Variants in HDGFL1 observed in about 807,000 individuals in gnomAD.
HDGFL1 encodes hepatoma-derived growth factor-like protein 1.
For synonymous variants in HDGFL1, 190 were observed against 165.1 expected, an observed-to-expected ratio of 1.15 and a Z score of -1.16; for missense variants, 422 against 365.3, an observed-to-expected ratio of 1.16 and a Z score of -1.27.
rs960887574 is a variant in HDGFL1 at position 22,571,299 on chromosome 6, C to A, written c.*968C>A. On this transcript the variant is annotated 3_prime_UTR_variant, in exon 1 of 1. Coordinates refer to ENST00000510882, the MANE Select transcript of HDGFL1 (RefSeq NM_138574.4). ...AACTACCTCTAGGTGTGCCTCCACG[C>A]TGGCCCTAGCTTTCCCATTGCTGTT... The A allele has an allele frequency of 2.4e-5, 4 of 167,140 alleles. No individual in the cohort carries two copies. Among genetic ancestry groups the A allele is most frequent in the Non-Finnish European group, 1.5e-5 (1 of 68,142 alleles). The allele number at this position is 167,140 out of a possible 1,614,324, so 10.4% of individuals were successfully genotyped here.
rs1440033304 is a variant in HDGFL1, at chr6:22,569,931, C to G, written c.356C>G (p.Pro119Arg). The change falls in exon 1 of 1, where the codon CCG becomes CGG. Residue 119 changes from proline to arginine, a missense_variant. Physicochemically the swap from Pro to Arg is moderately radical, Grantham distance 103. Coordinates refer to ENST00000510882, the MANE Select transcript of HDGFL1 (RefSeq NM_138574.4). Reference protein sequence around the residue: ...PEAAEGDEDKPTHAGGGGDEL... With the variant: ...PEAAEGDEDKRTHAGGGGDEL... ...GCCGCAGAGGGCGACGAGGACAAGC[C>G]GACCCACGCTGGTGGCGGCGGCGAC... The G allele has an allele frequency of 1.3e-6, 2 of 1,553,922 alleles. No individual in the cohort carries two copies. The highest frequency in any genetic ancestry group is 1.7e-6 in the Non-Finnish European group (2 of 1,149,022).
Position 22,571,658 on chromosome 6 carries a change from T to G in HDGFL1, c.*1327T>G, listed in dbSNP as rs1212809569. 6.0e-6 allele frequency: 1 copy of G among 167,092 alleles called. No individual in the cohort carries two copies. The highest frequency in any genetic ancestry group is 1.9e-4 in the East Asian group (1 of 5,194). The allele number at this position is 167,092 out of a possible 1,614,324, so 10.4% of individuals were successfully genotyped here. On this transcript the variant is annotated 3_prime_UTR_variant, in exon 1 of 1. Coordinates refer to ENST00000510882, the MANE Select transcript of HDGFL1 (RefSeq NM_138574.4). ...GTTCTAGGAAATAAAACCAGTTGAT[T>G]AAAGCAAATTTTCTCCGGCCTGTTC...
Position 22,569,692 on chromosome 6 carries a change from G to C in HDGFL1, c.117G>C (p.Gln39His). ...ACATGACCCAGCCCAACCGCTACCA[G>C]GTGTTTTTCTTCGGGACCCACGAGA... ...IEHMTQPNRY[Q>H]VFFFGTHETA... The change falls in exon 1 of 1, where the codon CAG becomes CAC. Residue 39 changes from glutamine to histidine, a missense_variant. Physicochemically the swap from Gln to His is conservative, Grantham distance 24. Transcript: ENST00000510882. 6.2e-7 allele frequency: 1 copy of C among 1,614,192 alleles called. No homozygotes were observed. Among genetic ancestry groups the C allele is most frequent in the Non-Finnish European group, 8.5e-7 (1 of 1,180,034 alleles).
Position 22,570,170 on chromosome 6 carries a change from G to T in HDGFL1, c.595G>T (p.Val199Leu). 1.3e-6 allele frequency: 2 copies of T among 1,559,502 alleles called. No individual in the cohort carries two copies. The highest frequency in any genetic ancestry group is 1.7e-6 in the Non-Finnish European group (2 of 1,156,366). Reference protein sequence around the residue: ...TAVDEESPFLVAVENGSAPSE... With the variant: ...TAVDEESPFLLAVENGSAPSE... ...CGTCGACGAGGAGAGTCCGTTCCTC[G>T]TGGCGGTGGAGAACGGCAGCGCCCC... Residue 199 changes from valine (V) to leucine (L), a missense_variant, in exon 1 of 1, where the codon GTG becomes TTG. Physicochemically the swap from Val to Leu is conservative, Grantham distance 32 (BLOSUM62 1). Transcript: ENST00000510882.
At position 22,570,085 on chromosome 6, in the gene HDGFL1, GGCGGAGGCGGAGAGGGCGGCGGAA is replaced by G. The variant is rs1237328278; in HGVS notation, c.517_540del (p.Ala173_Glu180del). The G allele has an allele frequency of 6.5e-6, 10 of 1,540,490 alleles. No homozygotes were observed. The East Asian group carries it at 9.7e-5, about 15-fold the overall frequency. On this transcript the variant is annotated inframe_deletion, in exon 1 of 1. Coordinates refer to ENST00000510882, the MANE Select transcript of HDGFL1 (RefSeq NM_138574.4). ...AGGCAGCCCCCGACCAAGAGGAGGAGGCGGAGGCGGAGAGGGCGGCGGAAGCGGAGAGGGCGGCGGCGGCGGCGG... is the reference window on the plus strand; with the variant it reads ...AGGCAGCCCCCGACCAAGAGGAGGAGGCGGAGAGGGCGGCGGCGGCGGCGG...
Position 22,571,597 on chromosome 6 carries a change from G to C in HDGFL1, c.*1266G>C, listed in dbSNP as rs920240856. 6.0e-6 allele frequency: 1 copy of C among 167,090 alleles called. No homozygotes were observed. Among genetic ancestry groups the C allele is most frequent in the African/African-American group, 2.4e-5 (1 of 41,454 alleles). The allele number at this position is 167,090 out of a possible 1,614,324, so 10.4% of individuals were successfully genotyped here. On this transcript the variant is annotated 3_prime_UTR_variant, in exon 1 of 1. Coordinates refer to ENST00000510882, the MANE Select transcript of HDGFL1 (RefSeq NM_138574.4). ...TGAAAAATTGTTGACTGCAGTTTCGGAAGTTTGATCTGAGAACCAACCATA... is the reference window on the plus strand; with the variant it reads ...TGAAAAATTGTTGACTGCAGTTTCGCAAGTTTGATCTGAGAACCAACCATA...
In HDGFL1 at chr6:22,569,885, G is replaced by A. The variant is rs767503335; in HGVS notation, c.310G>A (p.Gly104Arg). 2.0e-5 allele frequency: 31 copies of A among 1,575,458 alleles called. No individual in the cohort carries two copies. Among genetic ancestry groups the A allele is most frequent in the African/African-American group, 5.4e-5 (4 of 73,786 alleles). ...AGCCTCAGAGAAGGGCAGCGGAGAC[G>A]GGCCTTGGCCGGAGCCCGAGGCCGC... ...PLASEKGSGD[G>R]PWPEPEAAEG... The change falls in exon 1 of 1, where the codon GGG becomes AGG. Residue 104 changes from glycine to arginine, a missense_variant. Transcript: ENST00000510882.
In HDGFL1 at chr6:22,571,027, GTTGT is replaced by G. The variant is rs1275362551; in HGVS notation, c.*701_*704del. On this transcript the variant is annotated 3_prime_UTR_variant, in exon 1 of 1. Coordinates refer to ENST00000510882, the MANE Select transcript of HDGFL1 (RefSeq NM_138574.4). ...CATCAAAACGTTTGGGGGCTTCCAA[GTTGT>G]TTGTGAGATCTGAAAACTTAACTTT... is the stretch of plus-strand genomic sequence containing the variant. The G allele has an allele frequency of 6.0e-6, 1 of 166,972 alleles. No homozygotes were observed. The highest frequency in any genetic ancestry group is 1.9e-4 in the East Asian group (1 of 5,138). 10.3% of individuals were successfully genotyped at this position (166,972 alleles called of 1,614,324 possible). A position where few individuals can be genotyped will look rare whatever the true frequency, so the allele number is the denominator to read the frequency against.
Position 22,570,177 on chromosome 6 carries a change from T to G in HDGFL1, c.602T>G (p.Val201Gly). ...VDEESPFLVA[V>G]ENGSAPSEPG... ...GAGGAGAGTCCGTTCCTCGTGGCGG[T>G]GGAGAACGGCAGCGCCCCTAGCGAG... Residue 201 changes from valine to glycine, a missense_variant, in exon 1 of 1, where the codon GTG (valine) becomes GGG (glycine). Val to Gly is a moderately radical substitution (Grantham distance 109, BLOSUM62 -3). Coordinates refer to ENST00000510882, the MANE Select transcript of HDGFL1 (RefSeq NM_138574.4). 1 of 1,559,368 alleles carries G rather than the reference T, an allele frequency of 6.4e-7. No homozygotes were observed. The highest frequency in any genetic ancestry group is 1.2e-5 in the South Asian group (1 of 84,822).
In HDGFL1 at chr6:22,569,598, T is replaced by C. The variant is rs570011109; in HGVS notation, c.23T>C (p.Met8Thr). MSAYGMP[M>T]YKSGDLVFAK... The stretch of plus-strand genomic sequence containing the variant: ...GCTATGTCGGCCTACGGCATGCCCA[T>C]GTACAAGAGCGGGGACCTGGTGTTT... Residue 8 changes from methionine (M) to threonine (T), a missense_variant, in exon 1 of 1, where the codon ATG (methionine) becomes ACG (threonine). Met to Thr is a moderately conservative substitution (Grantham distance 81). Coordinates refer to ENST00000510882, the MANE Select transcript of HDGFL1 (RefSeq NM_138574.4). The C allele has an allele frequency of 4.3e-6, 7 of 1,614,044 alleles. No individual in the cohort carries two copies. In the African/African-American group the frequency reaches 8.0e-5, roughly 18 times the overall value.
chr6:22,569,704 C>T lies in HDGFL1; in HGVS notation c.129C>T (p.Phe43=), dbSNP rs752676523. 14 of 1,614,170 alleles carry T rather than the reference C, an allele frequency of 8.7e-6. No homozygotes were observed. Among genetic ancestry groups the T allele is most frequent in the South Asian group, 2.2e-5 (2 of 91,088 alleles). Residue 43 remains phenylalanine (F), a synonymous_variant, in exon 1 of 1, where the codon TTC becomes TTT. Transcript: ENST00000510882. ...TQPNRYQVFF[F]GTHETAFLSP... is the part of the protein sequence containing the mutation. ...CCAACCGCTACCAGGTGTTTTTCTT[C>T]GGGACCCACGAGACGGCCTTCCTGA...
rs1328773079 is a variant in HDGFL1 at position 22,570,071 on chromosome 6, G to A, written c.496G>A (p.Asp166Asn). The A allele has an allele frequency of 3.2e-6, 5 of 1,543,276 alleles. No individual in the cohort carries two copies. Among genetic ancestry groups the A allele is most frequent in the African/African-American group, 2.7e-5 (2 of 72,936 alleles). ...CAAACGACCCAAGGAGGCAGCCCCC[G>A]ACCAAGAGGAGGAGGCGGAGGCGGA... The part of the protein sequence containing the change: ...APKRPKEAAP[D>N]QEEEAEAERA... The change falls in exon 1 of 1, where the codon GAC becomes AAC. Residue 166 changes from aspartate (D) to asparagine (N), a missense_variant. Asp to Asn is a conservative substitution (Grantham distance 23). Coordinates refer to ENST00000510882, the MANE Select transcript of HDGFL1 (RefSeq NM_138574.4).
Position 22,570,298 on chromosome 6 carries a change from G to C in HDGFL1, c.723G>C (p.Glu241Asp). Reference sequence around the variant, plus strand: ...AGGCCTCCCAGGAGTGGCATGCCGAGGCACCGGGCGGCGGAGATCGCGACA... The same window carrying C: ...AGGCCTCCCAGGAGTGGCATGCCGACGCACCGGGCGGCGGAGATCGCGACA... The part of the protein sequence containing the change: ...DEEASQEWHA[E>D]APGGGDRDSL Residue 241 changes from glutamate to aspartate, a missense_variant, in exon 1 of 1, where the codon GAG (glutamate) becomes GAC (aspartate). Coordinates refer to ENST00000510882, the MANE Select transcript of HDGFL1 (RefSeq NM_138574.4). The C allele has an allele frequency of 6.7e-7, 1 of 1,498,000 alleles. No individual in the cohort carries two copies. Among genetic ancestry groups the C allele is most frequent in the Non-Finnish European group, 8.9e-7 (1 of 1,128,842 alleles). The allele number at this position is 1,498,000 out of a possible 1,614,324, so 92.8% of individuals were successfully genotyped here.
chr6:22,570,135 C>A lies in HDGFL1; in HGVS notation c.560C>A (p.Ala187Glu). 1 of 1,528,130 alleles carries A rather than the reference C, an allele frequency of 6.5e-7. No individual in the cohort carries two copies. The highest frequency in any genetic ancestry group is 8.8e-7 in the Non-Finnish European group (1 of 1,139,446). 94.7% of individuals were successfully genotyped at this position (1,528,130 alleles called of 1,614,324 possible). Residue 187 changes from alanine to glutamate, a missense_variant, in exon 1 of 1, where the codon GCG becomes GAG. Coordinates refer to ENST00000510882, the MANE Select transcript of HDGFL1 (RefSeq NM_138574.4). ...GCGGAGAGGGCGGCGGCGGCGGCGGCGGCGACGGCCGTCGACGAGGAGAGT... is the reference window on the plus strand; with the variant it reads ...GCGGAGAGGGCGGCGGCGGCGGCGGAGGCGACGGCCGTCGACGAGGAGAGT... ...AEAERAAAAA[A>E]ATAVDEESPF...
chr6:22,569,761 C>T lies in HDGFL1; in HGVS notation c.186C>T (p.Cys62=), dbSNP rs764815817. ...SPKRLFPYKE[C]KEKFGKPNKR... Reference sequence around the variant, plus strand: ...AACGCCTGTTCCCGTACAAGGAGTGCAAGGAGAAGTTCGGCAAGCCCAACA... The same window carrying T: ...AACGCCTGTTCCCGTACAAGGAGTGTAAGGAGAAGTTCGGCAAGCCCAACA... Residue 62 remains cysteine, a synonymous_variant, in exon 1 of 1, where the codon TGC becomes TGT. Transcript: ENST00000510882. 4.3e-5 allele frequency: 70 copies of T among 1,613,966 alleles called. No individual in the cohort carries two copies. Among genetic ancestry groups the T allele is most frequent in the Non-Finnish European group, 5.8e-5 (68 of 1,180,034 alleles).
Position 22,570,455 on chromosome 6 carries a change from C to T in HDGFL1, c.*124C>T. 2.8e-6 allele frequency: 3 copies of T among 1,068,810 alleles called. No homozygotes were observed. Among genetic ancestry groups the T allele is most frequent in the Non-Finnish European group, 3.8e-6 (3 of 791,270 alleles). 66.2% of individuals were successfully genotyped at this position (1,068,810 alleles called of 1,614,324 possible). A position where few individuals can be genotyped will look rare whatever the true frequency, so the allele number is the denominator to read the frequency against. On this transcript the variant is annotated 3_prime_UTR_variant, in exon 1 of 1. Transcript: ENST00000510882. ...CTCTCCTCAGCCCGTCCTCCTCCAACCCGCGCTCCTTTGCCCTGCCGGGCC... is the reference window on the plus strand; with the variant it reads ...CTCTCCTCAGCCCGTCCTCCTCCAATCCGCGCTCCTTTGCCCTGCCGGGCC...
In HDGFL1 at chr6:22,570,131, G is replaced by GAGA. The variant is rs1561829434; in HGVS notation, c.556_557insAGA (p.Ala186delinsGluThr). ...GGAAGCGGAGAGGGCGGCGGCGGCG[G>GAGA]CGGCGGCGACGGCCGTCGACGAGGA... On this transcript the variant is annotated protein_altering_variant, in exon 1 of 1. Coordinates refer to ENST00000510882, the MANE Select transcript of HDGFL1 (RefSeq NM_138574.4). 1 of 1,537,378 alleles carries GAGA rather than the reference G, an allele frequency of 6.5e-7. No individual in the cohort carries two copies.
rs778477453 is a variant in HDGFL1 at position 22,570,184 on chromosome 6, C to A, written c.609C>A (p.Asn203Lys). ...EESPFLVAVE[N>K]GSAPSEPGLV... The stretch of plus-strand genomic sequence containing the variant: ...GTCCGTTCCTCGTGGCGGTGGAGAA[C>A]GGCAGCGCCCCTAGCGAGCCGGGCC... The change falls in exon 1 of 1, where the codon AAC becomes AAA. Residue 203 changes from asparagine to lysine, a missense_variant. Physicochemically the swap from Asn to Lys is moderately conservative, Grantham distance 94. Transcript: ENST00000510882. The A allele has an allele frequency of 1.4e-5, 22 of 1,561,290 alleles. No individual in the cohort carries two copies. In the African/African-American group the frequency reaches 2.0e-4, roughly 14 times the overall value.
rs1760911644 is a variant in HDGFL1, at chr6:22,570,729, C to T, written c.*398C>T. ...ACACCCCTCTCCACCCCTCCTGCTT[C>T]CCCAGGCATTATGAACCTCTGCTTA... On this transcript the variant is annotated 3_prime_UTR_variant, in exon 1 of 1. Coordinates refer to ENST00000510882, the MANE Select transcript of HDGFL1 (RefSeq NM_138574.4). The T allele has an allele frequency of 9.6e-6, 2 of 208,130 alleles. No individual in the cohort carries two copies. The highest frequency in any genetic ancestry group is 6.2e-5 in the Admixed American group (1 of 16,228). The allele number at this position is 208,130 out of a possible 1,614,324, so 12.9% of individuals were successfully genotyped here.
Sources: gnomAD v4.1 joint callset for allele counts on GRCh38, gnomAD v4.1.1 for gene constraint, MANE v1.5 for transcripts, NCBI Gene and HGNC (gene_info 2026-07-23, HGNC 2026-07-21) for gene names.